Variants in NT5M observed in about 807,000 individuals in gnomAD.
NT5M encodes 5'(3')-deoxyribonucleotidase, mitochondrial.
NT5M carries 22 observed loss-of-function variants against 22.2 expected under a neutral mutation model. The observed-to-expected ratio is 0.99, with a 90% CI of 0.71 to 1.41. The LOEUF (loss-of-function observed/expected upper bound fraction) is 1.41, where lower values mean the gene tolerates loss of function less well. NT5M is among the 40% of genes most tolerant of loss of function. NT5M has a pLI of 0.00. For missense variants in NT5M, 322 were observed against 314.8 expected (o/e 1.02, Z -0.17); for synonymous variants, 167 against 133.0 (o/e 1.26, Z -1.76).
chr17:17,338,705 T>TTTTTC (rs2049573766), intron 3 of NT5M, among the ~76,000 whole-genome samples: 1 of 136,218 alleles, frequency 7.3e-6, no homozygotes, highest in African/African-American at 2.7e-5. Context: ...TTTTTGTATT[T>TTTTTC]CTGTGAAGAA....
intron 2 of NT5M, among the ~76,000 whole-genome samples, chr17:17,307,831 C>G (rs780641944): frequency 6.6e-5 from 10 of 151,994 alleles, no homozygotes; most frequent in Non-Finnish European, 1.2e-4. Flanking sequence ...ACACTCTAGC[C>G]TAGGCGACAG....
chr17:17,340,980 T>C (rs957679163), intron 3 of NT5M, among the ~76,000 whole-genome samples: 1 of 152,206 alleles, frequency 6.6e-6, no homozygotes, highest in Non-Finnish European at 1.5e-5. Context: ...CTCTTAGTAC[T>C]GCTTTTGCTG....
chr17:17,304,438 G>C (rs2145304233), intron 1 of NT5M: 1 of 985,356 alleles, frequency 1.0e-6, no homozygotes, highest in Admixed American at 6.1e-5. Context: ...GATGGATAGA[G>C]GGGAAAGATC....
At chr17:17,312,379 C>T (rs925730871) in intron 2 of NT5M, among the ~76,000 whole-genome samples, 57 of 152,144 alleles carry the variant, frequency 3.7e-4, no homozygotes, top group Non-Finnish European at 6.9e-4. Flanking sequence ...CGGTGGCTCA[C>T]ACCTGTAATC....
intron 2 of NT5M, among the ~76,000 whole-genome samples, chr17:17,319,283 C>A (rs1452474615): frequency 6.6e-6 from 1 of 150,872 alleles, no homozygotes; most frequent in Admixed American, 6.6e-5. Context: ...GTTCCCCGGG[C>A]TGTGGGGAGG....
At chr17:17,305,740 C>T (rs2048786709) in intron 1 of NT5M, among the ~76,000 whole-genome samples, 1 of 152,048 alleles carries the variant, frequency 6.6e-6, no homozygotes, top group Non-Finnish European at 1.5e-5. Flanking sequence ...TGTCACTTTC[C>T]CCTTGCCTGA....
At chr17:17,339,383 T>C (rs1367524636) in intron 3 of NT5M, among the ~76,000 whole-genome samples, 1 of 152,138 alleles carries the variant, frequency 6.6e-6, no homozygotes, top group African/African-American at 2.4e-5. Context: ...AATCTTTAGG[T>C]TTTTCCAAAT....
At chr17:17,323,595 A>G (rs1403879703) in intron 3 of NT5M, among the ~76,000 whole-genome samples, 4 of 152,190 alleles carry the variant, frequency 2.6e-5, no homozygotes, top group Non-Finnish European at 4.4e-5. Flanking sequence ...CTGTATACTC[A>G]CTTTATTATC....
At chr17:17,307,815 G>A (rs114850597) in intron 2 of NT5M, among the ~76,000 whole-genome samples, 1,705 of 152,010 alleles carry the variant, frequency 0.011, 32 homozygotes, top group African/African-American at 0.039. Context: ...CCAAGATCGC[G>A]CCACTACACT....
In NT5M at chr17:17,303,899, A is replaced by G. The variant is rs1012039931; in HGVS notation, c.267+82A>G. 3.3e-5 allele frequency: 43 copies of G among 1,308,816 alleles called. No homozygotes were observed. The African/African-American group carries it at 6.3e-4, about 19-fold the overall frequency. The allele number at this position is 1,308,816 out of a possible 1,614,324, so 81.1% of individuals were successfully genotyped here. A position where few individuals can be genotyped will look rare whatever the true frequency, so the allele number is the denominator to read the frequency against. On this transcript the variant is annotated intron_variant, in intron 1 of 4. Transcript: ENST00000389022. ...ACCGCCCCTGCGCCGGTGACCTTGG[A>G]CGGTCAGCGCCCCAGCCTCGGGGTG...
intron 3 of NT5M, among the ~76,000 whole-genome samples, chr17:17,343,396 G>A (rs1419852651): frequency 1.3e-5 from 2 of 152,222 alleles, no homozygotes; most frequent in Non-Finnish European, 2.9e-5. Flanking sequence ...GGCAAGCGAG[G>A]TGGCCACAGG....
chr17:17,340,315 C>A (rs2049610717), intron 3 of NT5M, among the ~76,000 whole-genome samples: 1 of 152,078 alleles, frequency 6.6e-6, no homozygotes, highest in Admixed American at 6.6e-5. Flanking sequence ...TCTGTAATAT[C>A]AGTTGTAGTG....
At chr17:17,332,318 G>C (rs78174945) in intron 3 of NT5M, among the ~76,000 whole-genome samples, 3 of 152,258 alleles carry the variant, frequency 2.0e-5, no homozygotes, top group African/African-American at 7.2e-5. Flanking sequence ...GTGGGGTCGA[G>C]AGCTGCCAGC....
At chr17:17,317,836 A>G (rs1027928055) in intron 2 of NT5M, among the ~76,000 whole-genome samples, 3 of 151,798 alleles carry the variant, frequency 2.0e-5, no homozygotes, top group Non-Finnish European at 2.9e-5. Context: ...GGTGGCAGGC[A>G]CCTGTAATCC....
At chr17:17,333,127 C>T (rs1304205680) in intron 3 of NT5M, among the ~76,000 whole-genome samples, 2 of 152,100 alleles carry the variant, frequency 1.3e-5, no homozygotes. Flanking sequence ...TGTTTTTAAG[C>T]AAGTAACCCT....
At chr17:17,314,097 G>C (rs1158876775) in intron 2 of NT5M, among the ~76,000 whole-genome samples, 1 of 150,540 alleles carries the variant, frequency 6.6e-6, no homozygotes, top group East Asian at 1.9e-4. Flanking sequence ...GCAGTGGTGC[G>C]ATCTCGGCTC....
chr17:17,308,224 A>G (rs942341210), intron 2 of NT5M, among the ~76,000 whole-genome samples: 5 of 152,288 alleles, frequency 3.3e-5, no homozygotes, highest in African/African-American at 1.2e-4. Context: ...TGAAGCCCCC[A>G]CTCAGTGACC....
intron 3 of NT5M, among the ~76,000 whole-genome samples, chr17:17,338,355 G>A (rs2049562615): frequency 6.6e-6 from 1 of 152,096 alleles, no homozygotes; most frequent in Non-Finnish European, 1.5e-5. Flanking sequence ...ACCATGCCCA[G>A]CTAATTTTTG....
chr17:17,306,642 A>G lies in NT5M; in HGVS notation c.367A>G (p.Asn123Asp), dbSNP rs763333621. 1 of 1,611,060 alleles carries G rather than the reference A, an allele frequency of 6.2e-7. No homozygotes were observed. Among genetic ancestry groups the G allele is most frequent in the Non-Finnish European group, 8.5e-7 (1 of 1,177,332 alleles). Reference protein sequence around the residue: ...EAVKEMASLQNTDVFICTSPI... With the variant: ...EAVKEMASLQDTDVFICTSPI... ...TGTCAAGGAGATGGCCAGCCTACAA[A>G]AGTAAGTTTGTCCTCCCAGCCACTC... Residue 123 changes from asparagine to aspartate, a missense_variant and splice_region_variant, in exon 2 of 5, where the codon AAC becomes GAC. Transcript: ENST00000389022.
Sources: gnomAD v4.1 joint callset for allele counts (sites outside exome capture counted in the v4.1 genomes callset) on GRCh38, gnomAD v4.1.1 for gene constraint, MANE v1.5 for transcripts, NCBI Gene and HGNC (gene_info 2026-07-23, HGNC 2026-07-21) for gene names.